RBPJL: variants seen among roughly 807,000 people sequenced by gnomAD.
RBPJL encodes recombining binding protein suppressor of hairless-like protein.
In RBPJL, 50 loss-of-function variants were observed where a neutral mutation model predicts 57.6. That is an observed-to-expected ratio of 0.87 (90% confidence interval 0.69 to 1.10). The LOEUF (loss-of-function observed/expected upper bound fraction) is 1.10. Ranked by LOEUF, RBPJL falls within the 50% of genes least tolerant of loss-of-function variation. The pLI is 0.00. For missense variants in RBPJL, 684 were observed against 693.7 expected (o/e 0.99, Z 0.16); for synonymous variants, 303 against 294.4 (o/e 1.03, Z -0.30).
chr20:45,306,988 A>G, intron 1 of RBPJL, 44 bp downstream of exon 1: 2 of 1,186,558 alleles, frequency 1.7e-6, no homozygotes, highest in South Asian at 4.3e-5. Context: ...CCCCGTGAGA[A>G]CTACGAAGGA....
rs752583526 is a variant in RBPJL at position 45,308,186 on chromosome 20, G to A, written c.66G>A (p.Gln22=). ...ATCCTTTGACTCACCTGAGCCTGCA[G>A]GACAGATCAGAGATGCAGCTGCAGA... is the stretch of plus-strand genomic sequence containing the variant. The part of the protein sequence containing the change: ...PPNPLTHLSL[Q]DRSEMQLQSE... The change falls in exon 2 of 12, where the codon CAG becomes CAA. Residue 22 remains glutamine (Q), a synonymous_variant. Coordinates refer to ENST00000343694, the MANE Select transcript of RBPJL (RefSeq NM_014276.4). 2 of 1,614,128 alleles carry A rather than the reference G, an allele frequency of 1.2e-6. No homozygotes were observed. Among genetic ancestry groups the A allele is most frequent in the South Asian group, 2.2e-5 (2 of 91,086 alleles).
At chr20:45,314,695 T>C (rs1245008439) in intron 9 of RBPJL, 130 bp downstream of exon 9, 4 of 794,950 alleles carry the variant, frequency 5.0e-6, no homozygotes, top group Non-Finnish European at 8.1e-6. Context: ...ATTAAAATCA[T>C]AGACTCCCAG....
At position 45,312,274 on chromosome 20, in the gene RBPJL, C is replaced by T. The variant is rs1987217417; in HGVS notation, c.498C>T (p.His166=). ...TCTCAGATGCAGACAAGAGGAAGCA[C>T]TTTCGGCTGGTGCTGCGGCTGGTGC... ...LYISDADKRK[H]FRLVLRLVLR... is the part of the protein sequence containing the mutation. The change falls in exon 6 of 12, where the codon CAC becomes CAT. Residue 166 remains histidine, a synonymous_variant. Coordinates refer to ENST00000343694, the MANE Select transcript of RBPJL (RefSeq NM_014276.4). 6.2e-7 allele frequency: 1 copy of T among 1,614,114 alleles called. No individual in the cohort carries two copies. The highest frequency in any genetic ancestry group is 1.3e-5 in the African/African-American group (1 of 74,958).
At position 45,317,114 on chromosome 20, in the gene RBPJL, C is replaced by T. The variant is rs947806100; in HGVS notation, c.*155C>T. The T allele has an allele frequency of 1.5e-5, 12 of 802,314 alleles. No homozygotes were observed. The highest frequency in any genetic ancestry group is 3.7e-4 in the Middle Eastern group (1 of 2,690). The allele number at this position is 802,314 out of a possible 1,614,324, so 49.7% of individuals were successfully genotyped here. A position where few individuals can be genotyped will look rare whatever the true frequency, so the allele number is the denominator to read the frequency against. ...AGAAACCGGGCCTGGTGGGTCTTACCCGGCTCACTCCCTCCCTTGTCCTTA... is the reference window on the plus strand; with the variant it reads ...AGAAACCGGGCCTGGTGGGTCTTACTCGGCTCACTCCCTCCCTTGTCCTTA... On this transcript the variant is annotated 3_prime_UTR_variant, in exon 12 of 12. Transcript: ENST00000343694.
chr20:45,311,129 A>AAAG (rs1485014585), intron 3 of RBPJL, among the ~76,000 whole-genome samples: 1 of 150,316 alleles, frequency 6.7e-6, no homozygotes, highest in African/African-American at 2.5e-5. Context: ...AAAAAAAAAA[A>AAAG]AAGAAAAAGA....
In RBPJL at chr20:45,316,792, G is replaced by A. The variant is rs1987497981; in HGVS notation, c.1387G>A (p.Asp463Asn). ...ITIPMSLVRA[D>N]GLFYPSAFSF... ...AATCCCCATGAGCCTGGTGCGCGCCGACGGGCTCTTCTACCCTAGTGCCTT... is the reference window on the plus strand; with the variant it reads ...AATCCCCATGAGCCTGGTGCGCGCCAACGGGCTCTTCTACCCTAGTGCCTT... The change falls in exon 12 of 12, where the codon GAC (aspartate) becomes AAC (asparagine). Residue 463 changes from aspartate (D) to asparagine (N), a missense_variant. By Grantham distance (23) the Asp-to-Asn change is conservative. Coordinates refer to ENST00000343694, the MANE Select transcript of RBPJL (RefSeq NM_014276.4). The A allele has an allele frequency of 1.9e-6, 3 of 1,613,792 alleles. No individual in the cohort carries two copies. The highest frequency in any genetic ancestry group is 2.7e-5 in the African/African-American group (2 of 74,914).
In RBPJL at chr20:45,308,256, C is replaced by T. The variant is rs367649803; in HGVS notation, c.131+5C>T. 1.4e-4 allele frequency: 230 copies of T among 1,599,474 alleles called. 1 individual carries two copies. The Middle Eastern group carries it at 2.2e-3, about 15-fold the overall frequency. ...CCTCCCGGGCACTTGGACCAGGTAA[C>T]GGCGGCGTGGCAGCGTGCCCTAGGT... is the stretch of plus-strand genomic sequence containing the variant. On this transcript the variant is annotated splice_donor_5th_base_variant and intron_variant, in intron 2 of 11. Coordinates refer to ENST00000343694, the MANE Select transcript of RBPJL (RefSeq NM_014276.4).
intron 1 of RBPJL, 49 bp downstream of exon 1, chr20:45,306,993 G>A: frequency 5.2e-6 from 6 of 1,163,358 alleles, no homozygotes; most frequent in Non-Finnish European, 6.6e-6. Context: ...TGAGAACTAC[G>A]AAGGACCACC....
In RBPJL at chr20:45,311,676, G is replaced by T; in HGVS notation, c.328+17G>T. On this transcript the variant is annotated intron_variant, in intron 4 of 11. Transcript: ENST00000343694. ...AGGATCAAGGTGAGGGCGGAATCAAGGGCTGCCGGCCGCCTGCTCTGTAGG... is the reference window on the plus strand; with the variant it reads ...AGGATCAAGGTGAGGGCGGAATCAATGGCTGCCGGCCGCCTGCTCTGTAGG... 11 of 1,613,600 alleles carry T rather than the reference G, an allele frequency of 6.8e-6. No homozygotes were observed. Among genetic ancestry groups the T allele is most frequent in the Non-Finnish European group, 9.3e-6 (11 of 1,179,790 alleles).
chr20:45,311,855 A>G lies in RBPJL; in HGVS notation c.345A>G (p.Glu115=), dbSNP rs61759891. 7,080 of 1,551,710 alleles carry G rather than the reference A, an allele frequency of 4.6e-3. 27 individuals are homozygous for G. Among genetic ancestry groups the G allele is most frequent in the South Asian group, 6.3e-3 (527 of 84,112 alleles). ...PGQDQAHQAG[E]TGPTVCGYMG... ...CCTTTCCAGCTCACCAGGCGGGGGA[A>G]ACGGGGCCCACGGTCTGCGGTTACA... Residue 115 remains glutamate (E), a synonymous_variant, in exon 5 of 12, where the codon GAA becomes GAG. Coordinates refer to ENST00000343694, the MANE Select transcript of RBPJL (RefSeq NM_014276.4).
chr20:45,312,410 G>A lies in RBPJL; in HGVS notation c.619+15G>A, dbSNP rs1987228590. 4 of 1,607,806 alleles carry A rather than the reference G, an allele frequency of 2.5e-6. No homozygotes were observed. Among genetic ancestry groups the A allele is most frequent in the Non-Finnish European group, 3.4e-6 (4 of 1,177,064 alleles). ...AAACACCGATCGTGAGCAGGGCGGG[G>A]CCTGACCCCCGGCCCGGGCGGGGAG... On this transcript the variant is annotated intron_variant, in intron 6 of 11. Transcript: ENST00000343694.
chr20:45,311,699 A>T (rs1021463924), intron 4 of RBPJL, 40 bp downstream of exon 4: 1 of 1,607,000 alleles, frequency 6.2e-7, no homozygotes, highest in Non-Finnish European at 8.5e-7. Context: ...CCTGCTCTGT[A>T]GGGAGGACCA....
At position 45,308,422 on chromosome 20, in the gene RBPJL, C is replaced by T. The variant is rs7346990; in HGVS notation, c.131+171C>T. On this transcript the variant is annotated intron_variant, in intron 2 of 11. Coordinates refer to ENST00000343694, the MANE Select transcript of RBPJL (RefSeq NM_014276.4). ...CCCTTCCTCCTGAGGGGGGGCAAAC[C>T]CAGCACCCCCTGCTCCTACCACGCT... 83 of 593,732 alleles carry T rather than the reference C, an allele frequency of 1.4e-4. 1 individual carries two copies. The African/African-American group carries it at 1.5e-3, about 11-fold the overall frequency. 36.8% of individuals were successfully genotyped at this position (593,732 alleles called of 1,614,324 possible).
Position 45,309,612 on chromosome 20 carries a change from G to A in RBPJL, c.177G>A (p.Arg59=), listed in dbSNP as rs201719480. Residue 59 remains arginine (R), a synonymous_variant, in exon 3 of 12, where the codon AGG becomes AGA. Coordinates refer to ENST00000343694, the MANE Select transcript of RBPJL (RefSeq NM_014276.4). ...CCATTCTGAGGGGAGGCGTGCGCAG[G>A]TGCCTGCAGCAACAGTGTGAACAGA... ...HTTILRGGVR[R]CLQQQCEQTV... The A allele has an allele frequency of 2.5e-4, 398 of 1,613,260 alleles. 1 individual carries two copies. The highest frequency in any genetic ancestry group is 3.1e-4 in the Non-Finnish European group (367 of 1,179,622).
At position 45,309,589 on chromosome 20, in the gene RBPJL, A is replaced by C; in HGVS notation, c.154A>C (p.Ile52Leu). Residue 52 changes from isoleucine to leucine, a missense_variant, in exon 3 of 12, where the codon ATT (isoleucine) becomes CTT (leucine). Ile to Leu is a conservative substitution (Grantham distance 5, BLOSUM62 2). Transcript: ENST00000343694. Reference protein sequence around the residue: ...WTRSSPEHTTILRGGVRRCLQ... With the variant: ...WTRSSPEHTTLLRGGVRRCLQ... ...CAGGTCATCCCCAGAGCACACCACCATTCTGAGGGGAGGCGTGCGCAGGTG... is the reference window on the plus strand; with the variant it reads ...CAGGTCATCCCCAGAGCACACCACCCTTCTGAGGGGAGGCGTGCGCAGGTG... 1 of 1,612,708 alleles carries C rather than the reference A, an allele frequency of 6.2e-7. No individual in the cohort carries two copies. Among genetic ancestry groups the C allele is most frequent in the Non-Finnish European group, 8.5e-7 (1 of 1,179,360 alleles).
In RBPJL at chr20:45,313,393, C is replaced by T; in HGVS notation, c.620-75C>T. 5 of 1,316,106 alleles carry T rather than the reference C, an allele frequency of 3.8e-6. No individual in the cohort carries two copies. The South Asian group carries it at 5.8e-5, about 15-fold the overall frequency. 81.5% of individuals were successfully genotyped at this position (1,316,106 alleles called of 1,614,324 possible). ...CCCTCACCCTAACCCTAACCCCAAT[C>T]CTAACCCTAACCCTATCCCCTCACC... On this transcript the variant is annotated intron_variant, in intron 6 of 11. Transcript: ENST00000343694.
chr20:45,313,427 GACCCTC>G (rs753825914), intron 6 of RBPJL, 35 bp from the exon 7 acceptor site: 4 of 1,529,616 alleles, frequency 2.6e-6, no homozygotes, highest in South Asian at 2.5e-5. Flanking sequence ...CCCTAACCCT[GACCCTC>G]ACCCTCACCC....
In RBPJL at chr20:45,308,155, C is replaced by G. The variant is rs751195520; in HGVS notation, c.35C>G (p.Pro12Arg). ...TACTCCCCTGCAGACCCCTCAGTGC[C>G]TCCCAATCCTTTGACTCACCTGAGC... ...DPAGAADPSV[P>R]PNPLTHLSLQ... The change falls in exon 2 of 12, where the codon CCT (proline) becomes CGT (arginine). Residue 12 changes from proline to arginine, a missense_variant. Physicochemically the swap from Pro to Arg is moderately radical, Grantham distance 103. Coordinates refer to ENST00000343694, the MANE Select transcript of RBPJL (RefSeq NM_014276.4). 14 of 1,613,620 alleles carry G rather than the reference C, an allele frequency of 8.7e-6. No individual in the cohort carries two copies. The highest frequency in any genetic ancestry group is 1.2e-5 in the Non-Finnish European group (14 of 1,179,536).
At chr20:45,315,913 GAA>G (rs766339303) in intron 9 of RBPJL, 2 of 367,016 alleles carry the variant, frequency 5.4e-6, no homozygotes, top group Admixed American at 4.6e-5. Flanking sequence ...AAAAGAGAGA[GAA>G]AGGGAAAGAA....
Sources: gnomAD v4.1 joint callset for allele counts (sites outside exome capture counted in the v4.1 genomes callset) on GRCh38, gnomAD v4.1.1 for gene constraint, MANE v1.5 for transcripts, NCBI Gene and HGNC (gene_info 2026-07-23, HGNC 2026-07-21) for gene names.